Variants in PLCXD3 observed in about 807,000 individuals in gnomAD.
PLCXD3 encodes the protein PI-PLC X domain-containing protein 3.
PLCXD3 carries 19 observed loss-of-function variants against 25.5 expected under a neutral mutation model. The observed-to-expected ratio is 0.75, with a 90% CI of 0.52 to 1.09. The LOEUF (loss-of-function observed/expected upper bound fraction) is 1.09. PLCXD3 is among the 50% of genes least tolerant of loss of function. The pLI, the probability that PLCXD3 is intolerant of heterozygous loss-of-function variation, is 0.00. For synonymous variants in PLCXD3, 174 were observed against 137.6 expected (o/e 1.26, Z -1.85); for missense variants, 411 against 388.1 (o/e 1.06, Z -0.50).
At chr5:41,452,151 C>T (rs999399692) in intron 1 of PLCXD3, among the ~76,000 whole-genome samples, 1 of 152,010 alleles carries the variant, frequency 6.6e-6, no homozygotes, top group African/African-American at 2.4e-5. Flanking sequence ...GCTATCCTCA[C>T]CTTTCAAATT....
intron 1 of PLCXD3, among the ~76,000 whole-genome samples, chr5:41,419,483 T>C (rs77075835): frequency 0.059 from 8,959 of 152,254 alleles, 277 homozygotes; most frequent in African/African-American, 0.069. Context: ...ATCTTCATGA[T>C]GCCAAGACAT....
intron 2 of PLCXD3, among the ~76,000 whole-genome samples, chr5:41,326,411 T>C (rs1232255671): frequency 6.6e-6 from 1 of 152,170 alleles, no homozygotes; most frequent in Non-Finnish European, 1.5e-5. Context: ...AATTCATCTC[T>C]CACCTGCAAG....
chr5:41,509,179 T>C (rs922846311), intron 1 of PLCXD3, among the ~76,000 whole-genome samples: 4 of 152,308 alleles, frequency 2.6e-5, no homozygotes, highest in Non-Finnish European at 4.4e-5. Context: ...TGTTTTTTTC[T>C]TTATTATGTT....
At chr5:41,402,248 T>G (rs190113205) in intron 1 of PLCXD3, among the ~76,000 whole-genome samples, 1 of 151,962 alleles carries the variant, frequency 6.6e-6, no homozygotes, top group Admixed American at 6.6e-5. Context: ...TAAGTACTGC[T>G]TTAGCTACAT....
intron 1 of PLCXD3, among the ~76,000 whole-genome samples, chr5:41,423,355 T>C (rs759597794): frequency 2.0e-5 from 3 of 152,082 alleles, no homozygotes; most frequent in Non-Finnish European, 4.4e-5. Flanking sequence ...CTGCTTCTAG[T>C]TGAGTCATTT....
At chr5:41,344,216 AAAGAT>A (rs1184407901) in intron 2 of PLCXD3, among the ~76,000 whole-genome samples, 1 of 152,162 alleles carries the variant, frequency 6.6e-6, no homozygotes, top group Admixed American at 6.5e-5. Flanking sequence ...GAAGAAGACA[AAAGAT>A]AGTTTGTCCA....
At chr5:41,460,279 A>C (rs933747392) in intron 1 of PLCXD3, among the ~76,000 whole-genome samples, 2 of 151,880 alleles carry the variant, frequency 1.3e-5, no homozygotes, top group Admixed American at 6.6e-5. Flanking sequence ...GCTGAATTTT[A>C]ATATCCTTTA....
At chr5:41,436,486 T>C (rs1283769468) in intron 1 of PLCXD3, among the ~76,000 whole-genome samples, 1 of 152,184 alleles carries the variant, frequency 6.6e-6, no homozygotes, top group Non-Finnish European at 1.5e-5. Context: ...TGCTACTTAA[T>C]ATGTTCAGTA....
rs1743255212 is a variant in PLCXD3 at position 41,315,242 on chromosome 5, G to A, written c.813-1472C>T. Among the ~76,000 whole-genome samples the A allele has an allele frequency of 2.6e-5, 4 of 152,218 alleles. No homozygotes were observed. In the South Asian group the frequency reaches 8.3e-4, roughly 32 times the overall value. On this transcript the variant is annotated intron_variant, in intron 2 of 2. Coordinates refer to ENST00000377801, the MANE Select transcript of PLCXD3 (RefSeq NM_001005473.3). Reference sequence around the variant, plus strand: ...GACAAAAGGATAAATGAACAGGCCAGAGACATGATAGTGTATTAATAAAGA... The same window carrying A: ...GACAAAAGGATAAATGAACAGGCCAAAGACATGATAGTGTATTAATAAAGA...
chr5:41,498,078 G>A (rs562662857), intron 1 of PLCXD3, among the ~76,000 whole-genome samples: 1 of 151,532 alleles, frequency 6.6e-6, no homozygotes, highest in East Asian at 1.9e-4. Context: ...AGTAATAAAT[G>A]CCTATATTAA....
chr5:41,341,306 G>A (rs553870626), intron 2 of PLCXD3, among the ~76,000 whole-genome samples: 4 of 152,110 alleles, frequency 2.6e-5, no homozygotes, highest in Admixed American at 6.6e-5. Context: ...CTGACTCTGC[G>A]AAGTCATTCT....
At chr5:41,473,827 C>T (rs1748225075) in intron 1 of PLCXD3, among the ~76,000 whole-genome samples, 1 of 152,174 alleles carries the variant, frequency 6.6e-6, no homozygotes, top group African/African-American at 2.4e-5. Context: ...CATAGTGAAG[C>T]AGCCCACAGA....
intron 1 of PLCXD3, among the ~76,000 whole-genome samples, chr5:41,418,159 G>A (rs79570604): frequency 1.6e-4 from 24 of 152,274 alleles, no homozygotes; most frequent in African/African-American, 5.8e-4. Flanking sequence ...AGCCAATGCA[G>A]TGTGTGTGGC....
intron 2 of PLCXD3, among the ~76,000 whole-genome samples, chr5:41,345,935 A>G (rs1418362567): frequency 1.4e-5 from 2 of 148,142 alleles, no homozygotes; most frequent in Non-Finnish European, 3.0e-5. Context: ...GCTGGAGTGC[A>G]GTGGCACTAT....
At position 41,510,438 on chromosome 5, in the gene PLCXD3, T is replaced by C; in HGVS notation, c.89A>G (p.Asn30Ser). The C allele has an allele frequency of 1.2e-6, 2 of 1,608,474 alleles. No individual in the cohort carries two copies. Among genetic ancestry groups the C allele is most frequent in the South Asian group, 2.2e-5 (2 of 90,354 alleles). Residue 30 changes from asparagine (N) to serine (S), a missense_variant, in exon 1 of 3, where the codon AAT (asparagine) becomes AGT (serine). By Grantham distance (46) the Asn-to-Ser change is conservative. Coordinates refer to ENST00000377801, the MANE Select transcript of PLCXD3 (RefSeq NM_001005473.3). ...PESMHSIPLT[N>S]LAIPGSHDSF... ...TGCGCGCCTACCTGGAATGGCTAAA[T>C]TGGTGAGGGGGATGCTGTGCATGCT...
At chr5:41,441,501 T>C (rs1747384123) in intron 1 of PLCXD3, among the ~76,000 whole-genome samples, 1 of 152,208 alleles carries the variant, frequency 6.6e-6, no homozygotes, top group Non-Finnish European at 1.5e-5. Context: ...CTGGGAAAGC[T>C]TCTCTAAACA....
chr5:41,398,908 C>T (rs1276640148), intron 1 of PLCXD3, among the ~76,000 whole-genome samples: 2 of 152,212 alleles, frequency 1.3e-5, no homozygotes, highest in Non-Finnish European at 1.5e-5. Flanking sequence ...AAAAGGAAGC[C>T]AAATTATCCT....
chr5:41,429,523 C>T (rs1747042728), intron 1 of PLCXD3, among the ~76,000 whole-genome samples: 1 of 152,052 alleles, frequency 6.6e-6, no homozygotes, highest in South Asian at 2.1e-4. Context: ...TTAAGGAAAA[C>T]CTTATGGATT....
chr5:41,347,215 G>T (rs1352130705), intron 2 of PLCXD3, among the ~76,000 whole-genome samples: 2 of 152,170 alleles, frequency 1.3e-5, no homozygotes, highest in Non-Finnish European at 1.5e-5. Flanking sequence ...GTGGTATCTT[G>T]TTTTAATAAA....
Sources: allele counts gnomAD v4.1 joint callset (sites outside exome capture counted in the v4.1 genomes callset), GRCh38; gene constraint gnomAD v4.1.1; transcripts MANE v1.5; gene names NCBI Gene and HGNC (gene_info 2026-07-23, HGNC 2026-07-21).